NAA11: variants seen among roughly 807,000 people sequenced by gnomAD.
NAA11 encodes the protein N-alpha-acetyltransferase 11, NatA catalytic subunit, also known as N-alpha-acetyltransferase 11.
A neutral mutation model predicts 16.1 loss-of-function variants in NAA11; 15 were observed. The ratio of observed to expected loss-of-function variants is 0.93; its 90% confidence interval spans 0.62 to 1.44. The LOEUF is 1.44. Ranked by LOEUF, NAA11 falls within the 40% of genes most tolerant of loss-of-function variation. The pLI, the probability that NAA11 is intolerant of heterozygous loss-of-function variation, is 0.00. For missense variants in NAA11, 298 were observed against 291.3 expected (o/e 1.02, Z -0.17); for synonymous variants, 122 against 112.4 (o/e 1.09, Z -0.54).
the NAA11 span, among the ~76,000 whole-genome samples, chr4:79,219,484 A>G: frequency 1.3e-5 from 2 of 152,284 alleles, no homozygotes; most frequent in East Asian, 3.9e-4. Context: ...ATCCGTAACC[A>G]CTATTCTCAA....
intron 1 of NAA11, among the ~76,000 whole-genome samples, chr4:79,298,215 C>T (rs1048685194): frequency 1.3e-5 from 2 of 152,244 alleles, no homozygotes; most frequent in African/African-American, 4.8e-5. Context: ...CCCAATAACG[C>T]TCCTCTTCGT....
chr4:79,257,464 T>C (rs1036295188), intron 2 of NAA11, among the ~76,000 whole-genome samples: 1 of 152,216 alleles, frequency 6.6e-6, no homozygotes, highest in African/African-American at 2.4e-5. Context: ...GTTTAGTATT[T>C]AGTTCCTTTG....
intron 2 of NAA11, chr4:79,227,510 A>G (rs1458606688): frequency 1.3e-5 from 2 of 151,966 alleles, no homozygotes; most frequent in South Asian, 2.1e-4. Context: ...AAGAGGAGTC[A>G]TTCAGGAATA....
intron 2 of NAA11, among the ~76,000 whole-genome samples, chr4:79,233,313 C>T (rs911125019): frequency 2.6e-5 from 4 of 151,868 alleles, no homozygotes; most frequent in African/African-American, 9.7e-5. Context: ...AAGATGGCCT[C>T]CAAAATCACC....
the NAA11 span, among the ~76,000 whole-genome samples, chr4:79,206,372 ACTTT>A: frequency 6.6e-6 from 1 of 152,060 alleles, no homozygotes; most frequent in Non-Finnish European, 1.5e-5. Context: ...TTCTTCAAAG[ACTTT>A]CCCCCCCATC....
At chr4:79,189,070 C>T in the NAA11 span, among the ~76,000 whole-genome samples, 1 of 138,492 alleles carries the variant, frequency 7.2e-6, no homozygotes, top group Non-Finnish European at 1.5e-5. Flanking sequence ...CGCGTGAACC[C>T]GGGAGGCGGA....
At chr4:79,283,031 C>T (rs1376663817) in intron 2 of NAA11, among the ~76,000 whole-genome samples, 4 of 152,014 alleles carry the variant, frequency 2.6e-5, no homozygotes, top group South Asian at 2.1e-4. Context: ...CCATGGCCAA[C>T]GCTGCTGAGA....
At chr4:79,193,629 C>A in the NAA11 span, among the ~76,000 whole-genome samples, 2 of 152,076 alleles carry the variant, frequency 1.3e-5, no homozygotes, top group African/African-American at 2.4e-5. Flanking sequence ...GTTACTGTAG[C>A]CTTGTGGTAT....
At chr4:79,281,548 T>G (rs1187600685) in intron 2 of NAA11, among the ~76,000 whole-genome samples, 1 of 152,062 alleles carries the variant, frequency 6.6e-6, no homozygotes, top group African/African-American at 2.4e-5. Context: ...TTCTTTGTTG[T>G]CGAGTCCATA....
intron 1 of NAA11, among the ~76,000 whole-genome samples, chr4:79,307,383 A>G (rs1385901407): frequency 1.3e-5 from 2 of 152,172 alleles, no homozygotes; most frequent in Admixed American, 1.3e-4. Context: ...ATTCAGATAT[A>G]CTCAGAAGTT....
the NAA11 span, among the ~76,000 whole-genome samples, chr4:79,175,530 C>T: frequency 2.2e-4 from 33 of 152,036 alleles, no homozygotes; most frequent in African/African-American, 6.7e-4. Flanking sequence ...CTATAATTTG[C>T]GCTGTATAAC....
the NAA11 span, among the ~76,000 whole-genome samples, chr4:79,204,521 CCCTT>C: frequency 1.1e-4 from 16 of 146,544 alleles, no homozygotes; most frequent in African/African-American, 3.3e-4. Flanking sequence ...CTCCCTCCCT[CCCTT>C]CCTCCCTCCT....
chr4:79,206,067 T>C, the NAA11 span, among the ~76,000 whole-genome samples: 2 of 152,098 alleles, frequency 1.3e-5, no homozygotes, highest in Non-Finnish European at 2.9e-5. Flanking sequence ...TCGTTCATTT[T>C]GCTTAGGATT....
At chr4:79,224,698 G>A (rs554774018), downstream of NAA11, among the ~76,000 whole-genome samples, 1 of 152,154 alleles carries the variant, frequency 6.6e-6, no homozygotes, top group South Asian at 2.1e-4. Flanking sequence ...ATTGTGGTGA[G>A]TCTGAGCAAT....
At chr4:79,180,603 G>C in the NAA11 span, among the ~76,000 whole-genome samples, 4 of 152,292 alleles carry the variant, frequency 2.6e-5, no homozygotes, top group South Asian at 8.3e-4. Context: ...AGGATGTGAA[G>C]AAATAGGAAC....
the NAA11 span, among the ~76,000 whole-genome samples, chr4:79,214,311 A>G: frequency 6.6e-6 from 1 of 152,176 alleles, no homozygotes; most frequent in Non-Finnish European, 1.5e-5. Context: ...TGGATCTTTC[A>G]CAAGTACTTG....
In NAA11 at chr4:79,303,981, CATTTT is replaced by C. The variant is rs559725002; in HGVS notation, c.*13-9872_*13-9868del. On this transcript the variant is annotated intron_variant and NMD_transcript_variant, in intron 1 of 2. Transcript: ENST00000511542. Reference sequence around the variant, plus strand: ...TAATTTTTAAAAACTCATGTTGATTCATTTTGTTATTTTTCCTCTGCTCTATGGCA... The same window carrying C: ...TAATTTTTAAAAACTCATGTTGATTCGTTATTTTTCCTCTGCTCTATGGCA... Among the ~76,000 whole-genome samples the C allele has an allele frequency of 1.2e-4, 18 of 152,096 alleles. No individual in the cohort carries two copies. The South Asian group carries it at 1.9e-3, about 16-fold the overall frequency.
chr4:79,248,189 CA>C (rs1721887545), intron 2 of NAA11, among the ~76,000 whole-genome samples: 1 of 152,132 alleles, frequency 6.6e-6, no homozygotes, highest in Non-Finnish European at 1.5e-5. Context: ...GGGCCCACAT[CA>C]TAGCTCATGC....
At chr4:79,162,766 G>A in the NAA11 span, among the ~76,000 whole-genome samples, 1 of 152,148 alleles carries the variant, frequency 6.6e-6, no homozygotes, top group South Asian at 2.1e-4. Flanking sequence ...AGGAGAGACA[G>A]CATTATGTTA....
Sources: gnomAD v4.1 joint callset for allele counts (sites outside exome capture counted in the v4.1 genomes callset) on GRCh38, gnomAD v4.1.1 for gene constraint, MANE v1.5 for transcripts, NCBI Gene and HGNC (gene_info 2026-07-23, HGNC 2026-07-21) for gene names.